IGF1: variants seen among roughly 807,000 people sequenced by gnomAD.
IGF1 encodes the protein insulin like growth factor 1.
A neutral mutation model predicts 13.8 loss-of-function variants in IGF1; 4 were observed. That is an observed-to-expected ratio of 0.29 (90% confidence interval 0.14 to 0.66). The LOEUF (loss-of-function observed/expected upper bound fraction) is 0.66, where lower values mean the gene tolerates loss of function less well. Ranked by LOEUF, IGF1 falls within the 30% of genes least tolerant of loss-of-function variation. IGF1 has a pLI of 0.78. For missense variants in IGF1, 124 were observed against 188.5 expected (o/e 0.66, Z 2.00); for synonymous variants, 76 against 72.6 (o/e 1.05, Z -0.23).
At chr12:102,417,917 C>T (rs745709108) in intron 3 of IGF1, 11 of 1,613,950 alleles carry the variant, frequency 6.8e-6, no homozygotes, top group South Asian at 3.3e-5. Context: ...CTTCTGTCCC[C>T]TCCTTCTGTT....
intron 2 of IGF1, among the ~76,000 whole-genome samples, chr12:102,441,387 C>T (rs1877701941): frequency 6.6e-6 from 1 of 152,266 alleles, no homozygotes; most frequent in South Asian, 2.1e-4. Flanking sequence ...GGTCCTCCCA[C>T]TCTTACTGCC....
In IGF1 at chr12:102,450,193, T is replaced by G. The variant is rs1216892642; in HGVS notation, c.220+25450A>C. 2.6e-5 allele frequency among the ~76,000 whole-genome samples: 4 copies of G among 152,346 alleles called. No individual in the cohort carries two copies. The East Asian group carries it at 7.7e-4, about 29-fold the overall frequency. On this transcript the variant is annotated intron_variant, in intron 2 of 3. Coordinates refer to ENST00000337514, the MANE Select transcript of IGF1 (RefSeq NM_000618.5). ...ATTCCCCTGTCATTCTTTTTCTTTT[T>G]CCTCACTAAATTTCATGCTCTCCTT...
intron 2 of IGF1, among the ~76,000 whole-genome samples, chr12:102,473,510 C>T (rs1464960922): frequency 6.6e-6 from 1 of 152,208 alleles, no homozygotes; most frequent in Non-Finnish European, 1.5e-5. Context: ...ATGTTGGACA[C>T]TTCTGTGCAT....
intron 2 of IGF1, among the ~76,000 whole-genome samples, chr12:102,454,558 C>A (rs901846698): frequency 6.6e-6 from 1 of 152,238 alleles, no homozygotes; most frequent in Non-Finnish European, 1.5e-5. Flanking sequence ...GCCATTGCCA[C>A]CTTTGCGAAT....
intron 3 of IGF1, among the ~76,000 whole-genome samples, chr12:102,412,723 C>A (rs1874754318): frequency 6.6e-6 from 1 of 152,180 alleles, no homozygotes; most frequent in Admixed American, 6.5e-5. Context: ...ATGATAAGAA[C>A]TTTCTTAGGG....
At chr12:102,469,405 C>T (rs1362014945) in intron 2 of IGF1, among the ~76,000 whole-genome samples, 5 of 152,190 alleles carry the variant, frequency 3.3e-5, no homozygotes, top group African/African-American at 9.6e-5. Context: ...CTCCCCAGAT[C>T]CTACTGCATA....
At chr12:102,457,514 G>T (rs552760788) in intron 2 of IGF1, among the ~76,000 whole-genome samples, 4 of 152,212 alleles carry the variant, frequency 2.6e-5, no homozygotes, top group Admixed American at 2.6e-4. Flanking sequence ...CAGTATTTCT[G>T]GCCTCTCTCA....
intron 2 of IGF1, among the ~76,000 whole-genome samples, chr12:102,423,621 G>T (rs1232560114): frequency 6.6e-6 from 1 of 152,154 alleles, no homozygotes; most frequent in African/African-American, 2.4e-5. Flanking sequence ...CCAACAGACA[G>T]AATTCCAATG....
chr12:102,420,796 C>T (rs983347251), intron 2 of IGF1, among the ~76,000 whole-genome samples: 2 of 152,168 alleles, frequency 1.3e-5, no homozygotes, highest in African/African-American at 4.8e-5. Context: ...CTGGTCTTCT[C>T]CACGGATGCT....
chr12:102,472,343 C>G (rs993752183), intron 2 of IGF1, among the ~76,000 whole-genome samples: 6 of 141,906 alleles, frequency 4.2e-5, no homozygotes, highest in Non-Finnish European at 7.8e-5. Context: ...AATATGAGCT[C>G]AATTCACATC....
At position 102,402,356 on chromosome 12, in the gene IGF1, T is replaced by C; in HGVS notation, c.*151A>G. The C allele has an allele frequency of 1.3e-6, 1 of 747,852 alleles. No homozygotes were observed. Among genetic ancestry groups the C allele is most frequent in the Non-Finnish European group, 2.5e-6 (1 of 402,392 alleles). 46.3% of individuals were successfully genotyped at this position (747,852 alleles called of 1,614,324 possible). ...CACTCCTAAAGACAATGTTGGAATG[T>C]TTACTTGTGTATTTCATTGGGGGAA... On this transcript the variant is annotated 3_prime_UTR_variant, in exon 4 of 4. Transcript: ENST00000337514.
At chr12:102,428,241 TATATATATGGC>T (rs547957618) in intron 2 of IGF1, among the ~76,000 whole-genome samples, 22 of 138,704 alleles carry the variant, frequency 1.6e-4, no homozygotes, top group Non-Finnish European at 3.3e-4. Context: ...AATGTGTATA[TATATATATGGC>T]ATATTAATGT....
intron 2 of IGF1, among the ~76,000 whole-genome samples, chr12:102,472,073 C>T (rs926334722): frequency 1.3e-5 from 2 of 152,230 alleles, no homozygotes; most frequent in East Asian, 3.9e-4. Context: ...TCCCAATGTG[C>T]TTTCATCTCC....
intron 2 of IGF1, among the ~76,000 whole-genome samples, chr12:102,421,166 A>G (rs973087164): frequency 6.6e-6 from 1 of 152,018 alleles, no homozygotes; most frequent in Non-Finnish European, 1.5e-5. Context: ...AGGCAGGTTT[A>G]TTGTCATTCT....
At chr12:102,475,145 A>G (rs1211986165) in intron 2 of IGF1, among the ~76,000 whole-genome samples, 6 of 152,270 alleles carry the variant, frequency 3.9e-5, no homozygotes, top group South Asian at 2.1e-4. Context: ...CTGTCTGTTC[A>G]TGGTGATTTC....
rs1052223189 is a variant in IGF1 at position 102,432,539 on chromosome 12, G to A, written c.221-12849C>T. ...GAGAATTATATCCAGATTTTCTCCC[G>A]GGATTAGAAAAGAGACAGCCAAGGT... On this transcript the variant is annotated intron_variant, in intron 2 of 3. Coordinates refer to ENST00000337514, the MANE Select transcript of IGF1 (RefSeq NM_000618.5). 4.6e-5 allele frequency among the ~76,000 whole-genome samples: 7 copies of A among 152,270 alleles called. No individual in the cohort carries two copies. In the East Asian group the frequency reaches 5.8e-4, roughly 13 times the overall value.
chr12:102,425,039 A>G (rs1247781308), intron 2 of IGF1, among the ~76,000 whole-genome samples: 1 of 152,248 alleles, frequency 6.6e-6, no homozygotes, highest in Non-Finnish European at 1.5e-5. Flanking sequence ...GAGTATGTAC[A>G]CACATATACT....
chr12:102,408,715 C>T (rs1874381435), intron 3 of IGF1, among the ~76,000 whole-genome samples: 1 of 152,190 alleles, frequency 6.6e-6, no homozygotes, highest in South Asian at 2.1e-4. Context: ...TTGAGGCAGA[C>T]CTATTTCTGA....
At chr12:102,429,738 T>C (rs1045619323) in intron 2 of IGF1, among the ~76,000 whole-genome samples, 1 of 152,220 alleles carries the variant, frequency 6.6e-6, no homozygotes, top group African/African-American at 2.4e-5. Context: ...GGAGAAATCA[T>C]ACCCTTTCTT....
Sources: allele counts gnomAD v4.1 joint callset (sites outside exome capture counted in the v4.1 genomes callset), GRCh38; gene constraint gnomAD v4.1.1; transcripts MANE v1.5; gene names NCBI Gene and HGNC (gene_info 2026-07-23, HGNC 2026-07-21).